The following KDELR2 variants were observed in gnomAD, a reference collection of about 807,000 sequenced individuals.
KDELR2 encodes the protein KDEL endoplasmic reticulum protein retention receptor 2, also known as ER lumen protein-retaining receptor 2.
KDELR2 carries 15 observed loss-of-function variants against 23.9 expected under a neutral mutation model. That is an observed-to-expected ratio of 0.63 (90% confidence interval 0.42 to 0.97). KDELR2 has a LOEUF of 0.97. Among genes scored for constraint, KDELR2 ranks in the 50% least tolerant of loss-of-function variants. The pLI, the probability that KDELR2 is intolerant of heterozygous loss-of-function variation, is 0.00. For missense variants in KDELR2, 272 were observed against 254.6 expected (o/e 1.07, Z -0.46); for synonymous variants, 119 against 106.2 (o/e 1.12, Z -0.74).
chr7:6,484,141 G>T lies in KDELR2; in HGVS notation c.-84C>A. The T allele has an allele frequency of 9.3e-7, 1 of 1,076,800 alleles. No individual in the cohort carries two copies. The highest frequency in any genetic ancestry group is 1.2e-6 in the Non-Finnish European group (1 of 846,090). The allele number at this position is 1,076,800 out of a possible 1,614,324, so 66.7% of individuals were successfully genotyped here. Reference sequence around the variant, plus strand: ...GAGGCGGCGGCCCCTGAGAGGAAGCGGCGAAGATGGCGAGATCGCCCGCGA... The same window carrying T: ...GAGGCGGCGGCCCCTGAGAGGAAGCTGCGAAGATGGCGAGATCGCCCGCGA... On this transcript the variant is annotated 5_prime_UTR_variant, in exon 1 of 5. Transcript: ENST00000258739.
At chr7:6,463,261 C>A in intron 4 of KDELR2, 86 bp from the exon 5 acceptor site, 1 of 1,028,856 alleles carries the variant, frequency 9.7e-7, no homozygotes, top group Non-Finnish European at 1.5e-6. Flanking sequence ...TAGAAGTCTC[C>A]CACACACAAG....
chr7:6,469,761 A>G lies in KDELR2; in HGVS notation c.193-7T>C. ...AGCAGGCAAGGTAGATAACCTACAA[A>G]TAAAAGAAAAAACACCAGGTGTCAA... On this transcript the variant is annotated splice_polypyrimidine_tract_variant and splice_region_variant and intron_variant, in intron 2 of 4. Transcript: ENST00000258739. 1 of 1,602,066 alleles carries G rather than the reference A, an allele frequency of 6.2e-7. No individual in the cohort carries two copies. The highest frequency in any genetic ancestry group is 8.5e-7 in the Non-Finnish European group (1 of 1,175,478).
chr7:6,470,408 G>A (rs1405619968), intron 2 of KDELR2: 1 of 152,196 alleles, frequency 6.6e-6, no homozygotes, highest in East Asian at 1.9e-4. Flanking sequence ...CCTAGTGTGA[G>A]TGGGTGTGGG....
At position 6,480,306 on chromosome 7, in the gene KDELR2, C is replaced by T. The variant is rs79622560; in HGVS notation, c.91+3661G>A. Among the ~76,000 whole-genome samples the T allele has an allele frequency of 4.8e-4, 73 of 152,300 alleles. 2 individuals are homozygous for T. In the East Asian group the frequency reaches 6.9e-3, roughly 14 times the overall value. ...TAGGAAGCCCTTCATCTAAAACCAC[C>T]GCTTGTTCTTCCGAGGTTATGTAGG... is the stretch of plus-strand genomic sequence containing the variant. On this transcript the variant is annotated intron_variant, in intron 1 of 4. Transcript: ENST00000258739.
chr7:6,481,948 T>C (rs1785902603), intron 1 of KDELR2, among the ~76,000 whole-genome samples: 1 of 151,914 alleles, frequency 6.6e-6, no homozygotes, highest in Admixed American at 6.6e-5. Flanking sequence ...ATGGGAACAA[T>C]AGCACCTACC....
rs1432970313 is a variant in KDELR2, at chr7:6,461,625, T to C, written c.*1516A>G. ...GGGAGACAGACAGGAAGTTAAACTA[T>C]GCAGTTACACTGCCGATTTAGAAAG... On this transcript the variant is annotated 3_prime_UTR_variant, in exon 5 of 5. Coordinates refer to ENST00000258739, the MANE Select transcript of KDELR2 (RefSeq NM_006854.4). 1.3e-5 allele frequency: 2 copies of C among 151,570 alleles called. No individual in the cohort carries two copies. Among genetic ancestry groups the C allele is most frequent in the African/African-American group, 2.4e-5 (1 of 41,226 alleles). The allele number at this position is 151,570 out of a possible 1,614,324, so 9.4% of individuals were successfully genotyped here.
intron 3 of KDELR2, among the ~76,000 whole-genome samples, chr7:6,466,524 A>T (rs1785508006): frequency 6.6e-6 from 1 of 152,142 alleles, no homozygotes; most frequent in South Asian, 2.1e-4. Context: ...TTCATAGAAG[A>T]CAATTTTTCC....
At chr7:6,481,400 A>C (rs2115335509) in intron 1 of KDELR2, among the ~76,000 whole-genome samples, 1 of 151,508 alleles carries the variant, frequency 6.6e-6, no homozygotes, top group Non-Finnish European at 1.5e-5. Context: ...AAAAATCATT[A>C]TTCTGAAGTT....
chr7:6,482,741 A>G (rs1301757127), intron 1 of KDELR2, among the ~76,000 whole-genome samples: 1 of 151,506 alleles, frequency 6.6e-6, no homozygotes, highest in Admixed American at 6.6e-5. Flanking sequence ...AACAAAAATT[A>G]TTTTGCCGAG....
chr7:6,474,930 G>A lies in KDELR2; in HGVS notation c.92-646C>T, dbSNP rs140969474. Among the ~76,000 whole-genome samples the A allele has an allele frequency of 1.1e-3, 170 of 152,296 alleles. 4 individuals are homozygous for A. The highest frequency in any genetic ancestry group is 3.8e-3 in the African/African-American group (159 of 41,570). On this transcript the variant is annotated intron_variant, in intron 1 of 4. Coordinates refer to ENST00000258739, the MANE Select transcript of KDELR2 (RefSeq NM_006854.4). Reference sequence around the variant, plus strand: ...TGGCATTACAGGTATGAGCCATGTCGCCTGGTCCCTTCTTTGTATGGTAAA... The same window carrying A: ...TGGCATTACAGGTATGAGCCATGTCACCTGGTCCCTTCTTTGTATGGTAAA...
chr7:6,475,961 G>A (rs576140741), intron 1 of KDELR2, among the ~76,000 whole-genome samples: 1 of 152,206 alleles, frequency 6.6e-6, no homozygotes, highest in African/African-American at 2.4e-5. Context: ...GCCCAGGCTG[G>A]AGTGCGGTGG....
chr7:6,468,558 T>C (rs1256878355), intron 3 of KDELR2, among the ~76,000 whole-genome samples: 1 of 152,112 alleles, frequency 6.6e-6, no homozygotes, highest in Admixed American at 6.6e-5. Context: ...AAGGCTGGAG[T>C]GCAGTAGCGC....
chr7:6,469,272 C>A (rs1366306702), intron 3 of KDELR2, among the ~76,000 whole-genome samples: 1 of 151,040 alleles, frequency 6.6e-6, no homozygotes, highest in Non-Finnish European at 1.5e-5. Context: ...TTTTCTTTTC[C>A]CTCGAGACAG....
In KDELR2 at chr7:6,462,815, A is replaced by G. The variant is rs1785416174; in HGVS notation, c.*326T>C. The G allele has an allele frequency of 3.3e-6, 2 of 610,108 alleles. No individual in the cohort carries two copies. The highest frequency in any genetic ancestry group is 5.3e-6 in the Non-Finnish European group (2 of 374,580). 37.8% of individuals were successfully genotyped at this position (610,108 alleles called of 1,614,324 possible). A position where few individuals can be genotyped will look rare whatever the true frequency, so the allele number is the denominator to read the frequency against. ...GAGTTTCAAAGAATTTTTTAAAATA[A>G]AAAAAAAATTTGCACTTATTCCTCA... On this transcript the variant is annotated 3_prime_UTR_variant, in exon 5 of 5. Transcript: ENST00000258739.
intron 1 of KDELR2, among the ~76,000 whole-genome samples, chr7:6,475,450 A>G (rs1256513790): frequency 6.6e-6 from 1 of 152,218 alleles, no homozygotes; most frequent in Non-Finnish European, 1.5e-5. Context: ...TTACAATAAA[A>G]TAGAAATTCC....
chr7:6,481,389 A>G lies in KDELR2; in HGVS notation c.91+2578T>C, dbSNP rs557886703. On this transcript the variant is annotated intron_variant, in intron 1 of 4. Coordinates refer to ENST00000258739, the MANE Select transcript of KDELR2 (RefSeq NM_006854.4). ...TCAAAAAAAAAAAAAAAGAAAGAAA[A>G]AAAAATCATTATTCTGAAGTTGCAC... 1.6e-3 allele frequency among the ~76,000 whole-genome samples: 236 copies of G among 151,908 alleles called. 2 individuals carry two copies. The highest frequency in any genetic ancestry group is 5.3e-3 in the African/African-American group (220 of 41,438).
intron 4 of KDELR2, among the ~76,000 whole-genome samples, chr7:6,463,767 A>AAC (rs1385681068): frequency 2.6e-5 from 4 of 151,574 alleles, no homozygotes; most frequent in African/African-American, 7.3e-5. Flanking sequence ...AAAAAAAAAA[A>AAC]ACACAAAGGA....
Position 6,465,544 on chromosome 7 carries a change from C to T in KDELR2, c.604+527G>A, listed in dbSNP as rs563550809. ...TCATCAAATATTTGTAAAGTTCACA[C>T]GTCCTATGTTCATACAAATGCAAAA... On this transcript the variant is annotated intron_variant, in intron 4 of 4. Coordinates refer to ENST00000258739, the MANE Select transcript of KDELR2 (RefSeq NM_006854.4). Among the ~76,000 whole-genome samples the T allele has an allele frequency of 5.9e-5, 9 of 152,042 alleles. No homozygotes were observed. The South Asian group carries it at 8.3e-4, about 14-fold the overall frequency.
chr7:6,482,486 C>T lies in KDELR2; in HGVS notation c.91+1481G>A, dbSNP rs1039859687. The T allele has an allele frequency of 4.1e-5, 18 of 439,574 alleles. No homozygotes were observed. The Middle Eastern group carries it at 1.7e-3, about 41-fold the overall frequency. The allele number at this position is 439,574 out of a possible 1,614,324, so 27.2% of individuals were successfully genotyped here. A position where few individuals can be genotyped will look rare whatever the true frequency, so the allele number is the denominator to read the frequency against. ...TGAGAGATAACCTCCAAGTCAAACACACTGGCACATGGACTTTGTAACACC... is the reference window on the plus strand; with the variant it reads ...TGAGAGATAACCTCCAAGTCAAACATACTGGCACATGGACTTTGTAACACC... On this transcript the variant is annotated intron_variant, in intron 1 of 4. Coordinates refer to ENST00000258739, the MANE Select transcript of KDELR2 (RefSeq NM_006854.4).
Sources: allele counts gnomAD v4.1 joint callset (sites outside exome capture counted in the v4.1 genomes callset), GRCh38; gene constraint gnomAD v4.1.1; transcripts MANE v1.5; gene names NCBI Gene and HGNC (gene_info 2026-07-23, HGNC 2026-07-21).